The following LIPA variants were observed in gnomAD, a reference collection of about 807,000 sequenced individuals.
LIPA encodes the protein lipase A, lysosomal acid type.
A neutral mutation model predicts 40.6 loss-of-function variants in LIPA; 26 were observed. The ratio of observed to expected loss-of-function variants is 0.64; its 90% confidence interval spans 0.47 to 0.89. LIPA has a LOEUF of 0.89. Ranked by LOEUF, LIPA falls within the 40% of genes least tolerant of loss-of-function variation. The pLI, the probability that LIPA is intolerant of heterozygous loss-of-function variation, is 0.00. For synonymous variants in LIPA, 188 were observed against 168.4 expected, an observed-to-expected ratio of 1.12 and a Z score of -0.90; for missense variants, 455 against 479.6, an observed-to-expected ratio of 0.95 and a Z score of 0.48.
In LIPA at chr10:89,239,048, G is replaced by A. The variant is rs116722974; in HGVS notation, c.229+6628C>T. Among the ~76,000 whole-genome samples, 1,215 of 152,288 alleles carry A rather than the reference G, an allele frequency of 8.0e-3. 14 individuals carry two copies. Among genetic ancestry groups the A allele is most frequent in the African/African-American group, 0.025 (1,055 of 41,552 alleles). ...TAATATAATCATAGTAACAGCAAGC[G>A]CATACTAAGTGTTGACAATGTGACA... On this transcript the variant is annotated intron_variant, in intron 3 of 9. Transcript: ENST00000336233.
At chr10:89,315,104 T>A (rs1204786564) in intron 1 of LIPA, among the ~76,000 whole-genome samples, 2 of 152,230 alleles carry the variant, frequency 1.3e-5, no homozygotes, top group African/African-American at 4.8e-5. Flanking sequence ...AAGCACTGGA[T>A]TCTGAGTAAC....
chr10:89,288,343 CTA>C (rs1162329176), intron 1 of LIPA, among the ~76,000 whole-genome samples: 3 of 152,096 alleles, frequency 2.0e-5, no homozygotes, highest in African/African-American at 7.2e-5. Flanking sequence ...CCCATAGATC[CTA>C]AATCCTTTTG....
intron 3 of LIPA, among the ~76,000 whole-genome samples, chr10:89,230,801 A>G (rs533504337): frequency 3.9e-5 from 6 of 152,360 alleles, no homozygotes; most frequent in Admixed American, 6.5e-5. Context: ...AGTCTGACAC[A>G]CAGTAAGAGT....
intron 1 of LIPA, among the ~76,000 whole-genome samples, chr10:89,315,300 T>C (rs2133528891): frequency 6.6e-6 from 1 of 152,330 alleles, no homozygotes; most frequent in Non-Finnish European, 1.5e-5. Flanking sequence ...AGATAACAAA[T>C]TGTTAAGTTA....
Position 89,325,814 on chromosome 10 carries a change from A to G in LIPA, c.-2+16797T>C, listed in dbSNP as rs75872483. ...GTACACTAAAGCCTCATGACATGCAATTTACCTAAATAACAAACCTGTACG... is the reference window on the plus strand; with the variant it reads ...GTACACTAAAGCCTCATGACATGCAGTTTACCTAAATAACAAACCTGTACG... On this transcript the variant is annotated intron_variant, in intron 1 of 5. Transcript: ENST00000282673. 1.8e-3 allele frequency among the ~76,000 whole-genome samples: 273 copies of G among 152,218 alleles called. 2 individuals carry two copies. Among genetic ancestry groups the G allele is most frequent in the African/African-American group, 6.1e-3 (252 of 41,548 alleles).
upstream of LIPA, among the ~76,000 whole-genome samples, chr10:89,345,012 C>CA (rs1324674326): frequency 4.0e-5 from 6 of 151,406 alleles, no homozygotes; most frequent in Non-Finnish European, 7.4e-5. Flanking sequence ...ACTAAAAATA[C>CA]AAAAATTAGC....
intron 8 of LIPA, among the ~76,000 whole-genome samples, chr10:89,217,609 A>AG (rs140621187): frequency 0.02 from 3,035 of 152,362 alleles, 26 homozygotes; most frequent in Non-Finnish European, 0.027. Context: ...CTTTGTGCTA[A>AG]GTCACTTAGG....
chr10:89,411,168 C>G (rs992590868), intron 2 of LIPA, among the ~76,000 whole-genome samples: 1 of 152,136 alleles, frequency 6.6e-6, no homozygotes, highest in Non-Finnish European at 1.5e-5. Flanking sequence ...AAATCCTTAC[C>G]CAGCAGGTTT....
intron 1 of LIPA, among the ~76,000 whole-genome samples, chr10:89,282,792 G>A (rs1267092327): frequency 6.6e-6 from 1 of 152,224 alleles, no homozygotes; most frequent in Non-Finnish European, 1.5e-5. Context: ...CACACAAGCA[G>A]TGCATTTCAG....
chr10:89,270,462 A>G (rs1026897708), intron 1 of LIPA, among the ~76,000 whole-genome samples: 1 of 152,258 alleles, frequency 6.6e-6, no homozygotes, highest in African/African-American at 2.4e-5. Context: ...TTATAAATTC[A>G]GAGGACTGCC....
chr10:89,238,652 A>G (rs1037440401), intron 3 of LIPA, among the ~76,000 whole-genome samples: 10 of 152,186 alleles, frequency 6.6e-5, no homozygotes, highest in Admixed American at 1.3e-4. Flanking sequence ...CTGTTCCAAC[A>G]TAAGAATGAA....
chr10:89,358,539 T>C (rs1433870047), intron 2 of LIPA, among the ~76,000 whole-genome samples: 1 of 152,152 alleles, frequency 6.6e-6, no homozygotes, highest in Non-Finnish European at 1.5e-5. Flanking sequence ...TGTCCATCAG[T>C]GGATGAATAA....
rs142684332 is a variant in LIPA, at chr10:89,338,664, G to A, written c.-2+3947C>T. On this transcript the variant is annotated intron_variant, in intron 1 of 5. Coordinates refer to the LIPA transcript ENST00000282673. ...ACCATGTTTATTTTCTCCACAGTGAGGTCACCAAGAATTCCCTGGAGAAAA... is the reference window on the plus strand; with the variant it reads ...ACCATGTTTATTTTCTCCACAGTGAAGTCACCAAGAATTCCCTGGAGAAAA... 84 of 1,610,044 alleles carry A rather than the reference G, an allele frequency of 5.2e-5. No individual in the cohort carries two copies. In the African/African-American group the frequency reaches 9.2e-4, roughly 18 times the overall value.
chr10:89,254,113 C>A (rs547475759), upstream of LIPA, among the ~76,000 whole-genome samples: 1 of 152,212 alleles, frequency 6.6e-6, no homozygotes, highest in Non-Finnish European at 1.5e-5. Flanking sequence ...GACAGTGGCT[C>A]TCTTCTCACA....
At chr10:89,404,016 A>T in intron 2 of LIPA, 1 of 224,748 alleles carries the variant, frequency 4.4e-6, no homozygotes, top group South Asian at 1.4e-4. Context: ...TTATTGTGAA[A>T]TAAAAATAAA....
chr10:89,321,598 G>A (rs1213646850), intron 1 of LIPA, among the ~76,000 whole-genome samples: 1 of 152,194 alleles, frequency 6.6e-6, no homozygotes, highest in African/African-American at 2.4e-5. Flanking sequence ...TGGAGAAATA[G>A]GAACACTTTT....
chr10:89,399,062 C>T (rs1844385395), intron 2 of LIPA, among the ~76,000 whole-genome samples: 1 of 152,042 alleles, frequency 6.6e-6, no homozygotes, highest in South Asian at 2.1e-4. Context: ...AAATAATAGC[C>T]AACCTAACAG....
intron 1 of LIPA, among the ~76,000 whole-genome samples, chr10:89,259,582 C>G (rs369513273): frequency 5.3e-5 from 8 of 152,232 alleles, no homozygotes; most frequent in African/African-American, 1.9e-4. Flanking sequence ...TGTTTGTCCA[C>G]AAATGATCAT....
intron 8 of LIPA, among the ~76,000 whole-genome samples, chr10:89,216,786 T>C (rs1333248573): frequency 6.6e-6 from 1 of 152,154 alleles, no homozygotes; most frequent in Non-Finnish European, 1.5e-5. Flanking sequence ...TCCCCAAAGA[T>C]ACTTGAGGGA....
Sources: allele counts gnomAD v4.1 joint callset (sites outside exome capture counted in the v4.1 genomes callset), GRCh38; gene constraint gnomAD v4.1.1; transcripts MANE v1.5; gene names NCBI Gene and HGNC (gene_info 2026-07-23, HGNC 2026-07-21).